The following FBXL17 variants were observed in gnomAD, a reference collection of about 807,000 sequenced individuals.
FBXL17 encodes F-box/LRR-repeat protein 17.
A neutral mutation model predicts 66.2 loss-of-function variants in FBXL17; 22 were observed. The ratio of observed to expected loss-of-function variants is 0.33; its 90% CI spans 0.24 to 0.47. The LOEUF (loss-of-function observed/expected upper bound fraction) is 0.47. Among genes scored for constraint, FBXL17 ranks in the 20% least tolerant of loss-of-function variants. FBXL17 has a pLI of 1.00. For missense variants in FBXL17, 878 were observed against 948.2 expected, an observed-to-expected ratio of 0.93 and a Z score of 0.97; for synonymous variants, 474 against 400.5, an observed-to-expected ratio of 1.18 and a Z score of -2.19.
chr5:108,081,465 T>C (rs1352476232), intron 6 of FBXL17, among the ~76,000 whole-genome samples: 2 of 152,154 alleles, frequency 1.3e-5, no homozygotes, highest in East Asian at 3.9e-4. Flanking sequence ...CTCAAGCCTG[T>C]AATCCCAGCA....
chr5:108,176,558 A>G (rs1316023676), intron 6 of FBXL17, among the ~76,000 whole-genome samples: 1 of 152,152 alleles, frequency 6.6e-6, no homozygotes, highest in Non-Finnish European at 1.5e-5. Flanking sequence ...AAATAATGTC[A>G]ACATGGAGAA....
intron 8 of FBXL17, among the ~76,000 whole-genome samples, chr5:107,864,686 C>T (rs970724797): frequency 1.3e-5 from 2 of 152,128 alleles, no homozygotes; most frequent in African/African-American, 4.8e-5. Flanking sequence ...CTCTCTTGCT[C>T]CCAGCCTCAC....
chr5:108,126,420 T>G (rs971922441), intron 6 of FBXL17, among the ~76,000 whole-genome samples: 2 of 152,016 alleles, frequency 1.3e-5, no homozygotes, highest in African/African-American at 4.8e-5. Flanking sequence ...GTGAAAGTAA[T>G]AAGCCTAAAA....
chr5:108,316,223 A>C (rs1316869540), intron 4 of FBXL17, among the ~76,000 whole-genome samples: 1 of 151,468 alleles, frequency 6.6e-6, no homozygotes, highest in African/African-American at 2.4e-5. Flanking sequence ...TCAAAGGAGA[A>C]AAAAAAACAG....
intron 7 of FBXL17, among the ~76,000 whole-genome samples, chr5:107,935,389 G>A (rs1408901234): frequency 7.1e-6 from 1 of 140,548 alleles, no homozygotes; most frequent in Admixed American, 7.3e-5. Flanking sequence ...AACAAAAGAG[G>A]CATCTCTCTT....
chr5:107,871,138 G>C (rs574046879), intron 8 of FBXL17, among the ~76,000 whole-genome samples: 1 of 146,350 alleles, frequency 6.8e-6, no homozygotes, highest in South Asian at 2.1e-4. Flanking sequence ...CAATGAACCT[G>C]ACAGAGGCAG....
In FBXL17 at chr5:107,895,992, G is replaced by A. The variant is rs1749368757; in HGVS notation, c.1823-14813C>T. On this transcript the variant is annotated intron_variant, in intron 7 of 8. Coordinates refer to ENST00000542267, the MANE Select transcript of FBXL17 (RefSeq NM_001163315.3). ...AGGCAAGGTGACAGACAATGTAGAT[G>A]GCTCATCAACATGGTCTGTCCATTG... Among the ~76,000 whole-genome samples, 6 of 152,072 alleles carry A rather than the reference G, an allele frequency of 3.9e-5. No homozygotes were observed. The South Asian group carries it at 1.2e-3, about 32-fold the overall frequency.
chr5:107,861,982 T>C, intron 8 of FBXL17, 122 bp from the exon 9 acceptor site: 5 of 1,069,022 alleles, frequency 4.7e-6, no homozygotes, highest in Non-Finnish European at 6.2e-6. Context: ...TTGTTCCTCC[T>C]AGCGATGTGA....
intron 6 of FBXL17, among the ~76,000 whole-genome samples, chr5:108,120,759 G>A (rs948633444): frequency 6.6e-6 from 1 of 152,130 alleles, no homozygotes; most frequent in Non-Finnish European, 1.5e-5. Context: ...TTTGAGCCCA[G>A]GAGTTCGAGG....
chr5:108,101,287 T>C lies in FBXL17; in HGVS notation c.1746-80286A>G, dbSNP rs17161006. ...CCTCTGTCCACAAGCCAAGATTTTA[T>C]TTCCAAAGGAACACAGGGCCTTCTC... On this transcript the variant is annotated intron_variant, in intron 6 of 8. Coordinates refer to ENST00000542267, the MANE Select transcript of FBXL17 (RefSeq NM_001163315.3). Among the ~76,000 whole-genome samples the C allele has an allele frequency of 6.3e-3, 960 of 152,368 alleles. 8 individuals carry two copies. The highest frequency in any genetic ancestry group is 0.022 in the African/African-American group (920 of 41,584).
At chr5:107,927,650 T>G (rs1750570074) in intron 7 of FBXL17, among the ~76,000 whole-genome samples, 2 of 152,142 alleles carry the variant, frequency 1.3e-5, no homozygotes. Flanking sequence ...ATCACAAGAT[T>G]GTATTTGTCA....
intron 7 of FBXL17, among the ~76,000 whole-genome samples, chr5:108,004,417 AAATCATTACATG>A (rs1753850111): frequency 6.6e-6 from 1 of 152,204 alleles, no homozygotes; most frequent in Non-Finnish European, 1.5e-5. Context: ...AATATTTCTA[AAATCATTACATG>A]ATAGAAATAA....
chr5:108,065,810 A>G (rs1371090695), intron 6 of FBXL17, among the ~76,000 whole-genome samples: 1 of 152,200 alleles, frequency 6.6e-6, no homozygotes, highest in African/African-American at 2.4e-5. Flanking sequence ...CTCTGAAGCA[A>G]GAGTTGATGA....
intron 7 of FBXL17, among the ~76,000 whole-genome samples, chr5:107,972,191 G>T (rs1270235928): frequency 1.3e-5 from 2 of 151,838 alleles, no homozygotes; most frequent in African/African-American, 4.8e-5. Flanking sequence ...ATAAATGAAA[G>T]AAAAGAAAAG....
At chr5:108,054,401 C>T (rs1747604478) in intron 6 of FBXL17, among the ~76,000 whole-genome samples, 1 of 152,056 alleles carries the variant, frequency 6.6e-6, no homozygotes, top group Non-Finnish European at 1.5e-5. Context: ...TACTGCTGGG[C>T]AGTGGTGGAA....
At chr5:108,129,598 A>G (rs1477596620) in intron 6 of FBXL17, among the ~76,000 whole-genome samples, 9 of 152,054 alleles carry the variant, frequency 5.9e-5, no homozygotes, top group Admixed American at 5.2e-4. Context: ...ATCATTTTGA[A>G]TAACATTACT....
At chr5:108,079,685 T>C (rs1462009348) in intron 6 of FBXL17, among the ~76,000 whole-genome samples, 1 of 152,182 alleles carries the variant, frequency 6.6e-6, no homozygotes, top group Non-Finnish European at 1.5e-5. Flanking sequence ...AATGTAGTTA[T>C]AAAAAAATTG....
intron 6 of FBXL17, among the ~76,000 whole-genome samples, chr5:108,147,766 T>A (rs1454574854): frequency 6.6e-6 from 1 of 152,072 alleles, no homozygotes; most frequent in East Asian, 1.9e-4. Context: ...ATCTGCATGA[T>A]ACCAAAGATA....
intron 7 of FBXL17, among the ~76,000 whole-genome samples, chr5:107,903,805 T>C (rs1749653057): frequency 6.6e-6 from 1 of 152,100 alleles, no homozygotes; most frequent in South Asian, 2.1e-4. Context: ...ATTGGGACAT[T>C]CGTTTTTACA....
Sources: allele counts gnomAD v4.1 joint callset (sites outside exome capture counted in the v4.1 genomes callset), GRCh38; gene constraint gnomAD v4.1.1; transcripts MANE v1.5; gene names NCBI Gene and HGNC (gene_info 2026-07-23, HGNC 2026-07-21).